The following HS3ST3A1 variants were observed in gnomAD, a reference collection of about 807,000 sequenced individuals.
HS3ST3A1 encodes heparan sulfate-glucosamine 3-sulfotransferase 3A1.
HS3ST3A1 carries 19 observed loss-of-function variants against 25.7 expected under a neutral mutation model. The observed-to-expected ratio is 0.74, with a 90% confidence interval of 0.52 to 1.08. The LOEUF is 1.08. HS3ST3A1 is among the 50% of genes least tolerant of loss of function. The probability of loss-of-function intolerance (pLI) is 0.00; values close to 1 mark genes in which losing one functional copy is unlikely to be tolerated. For missense variants in HS3ST3A1, 459 were observed against 594.3 expected, an observed-to-expected ratio of 0.77 and a Z score of 2.37; for synonymous variants, 226 against 278.6, an observed-to-expected ratio of 0.81 and a Z score of 1.88.
At chr17:13,598,012 G>A (rs1402209611) in intron 1 of HS3ST3A1, among the ~76,000 whole-genome samples, 3 of 152,206 alleles carry the variant, frequency 2.0e-5, no homozygotes, top group East Asian at 3.8e-4. Context: ...ATTCTCCCGT[G>A]TCAATGTACA....
intron 1 of HS3ST3A1, among the ~76,000 whole-genome samples, chr17:13,577,534 C>T (rs1907976331): frequency 6.6e-6 from 1 of 152,144 alleles, no homozygotes; most frequent in South Asian, 2.1e-4. Flanking sequence ...ACATTCATGA[C>T]AACAGTCATA....
At chr17:13,520,927 A>C (rs1378911099) in intron 1 of HS3ST3A1, among the ~76,000 whole-genome samples, 2 of 152,142 alleles carry the variant, frequency 1.3e-5, no homozygotes, top group African/African-American at 4.8e-5. Flanking sequence ...AACTGGAACA[A>C]TATCCTTGTT....
chr17:13,550,083 AT>A (rs1230106283), intron 1 of HS3ST3A1, among the ~76,000 whole-genome samples: 1 of 152,194 alleles, frequency 6.6e-6, no homozygotes, highest in Non-Finnish European at 1.5e-5. Context: ...AATTTGCTAA[AT>A]GTTGTATATG....
At chr17:13,557,181 G>A (rs183377986) in intron 1 of HS3ST3A1, among the ~76,000 whole-genome samples, 1 of 152,308 alleles carries the variant, frequency 6.6e-6, no homozygotes. Context: ...TTCCTTAATG[G>A]ATGCCCTGCG....
chr17:13,548,250 T>A (rs1273176372), intron 1 of HS3ST3A1, among the ~76,000 whole-genome samples: 2 of 152,150 alleles, frequency 1.3e-5, no homozygotes, highest in African/African-American at 2.4e-5. Context: ...AGATTCAGCA[T>A]CTAGTGAGGG....
intron 1 of HS3ST3A1, among the ~76,000 whole-genome samples, chr17:13,578,429 G>A (rs972830058): frequency 2.0e-5 from 3 of 151,398 alleles, no homozygotes; most frequent in Non-Finnish European, 2.9e-5. Flanking sequence ...TGGGCTTGGT[G>A]GTGGGCGCCT....
intron 1 of HS3ST3A1, among the ~76,000 whole-genome samples, chr17:13,539,045 A>G (rs1906850993): frequency 6.6e-6 from 1 of 152,198 alleles, no homozygotes. Context: ...GGCTAGAATG[A>G]TATCGAGGTG....
At chr17:13,557,029 C>T (rs1001912235) in intron 1 of HS3ST3A1, among the ~76,000 whole-genome samples, 2 of 152,112 alleles carry the variant, frequency 1.3e-5, no homozygotes, top group African/African-American at 4.8e-5. Context: ...AATTGTATAG[C>T]CACAGAGATG....
intron 1 of HS3ST3A1, among the ~76,000 whole-genome samples, chr17:13,576,809 C>T (rs1321687866): frequency 1.3e-5 from 2 of 152,140 alleles, no homozygotes; most frequent in Non-Finnish European, 2.9e-5. Flanking sequence ...ATTTTTTTAA[C>T]CAATAAACCG....
Position 13,600,938 on chromosome 17 carries a change from C to T in HS3ST3A1, c.192G>A (p.Gly64=), listed in dbSNP as rs756272045. 55 of 1,534,024 alleles carry T rather than the reference C, an allele frequency of 3.6e-5. No individual in the cohort carries two copies. In the East Asian group the frequency reaches 1.4e-3, roughly 40 times the overall value. ...CGGCCAGGACGCCGCCACCAGGGGC[C>T]CCCGCCTCCTCGCCGCCGCCGGACA... ...VGLSGGGEEA[G]APGGGVLAGG... Residue 64 remains glycine, a synonymous_variant, in exon 1 of 2, where the codon GGG becomes GGA. Coordinates refer to ENST00000284110, the MANE Select transcript of HS3ST3A1 (RefSeq NM_006042.3).
intron 1 of HS3ST3A1, among the ~76,000 whole-genome samples, chr17:13,589,430 T>C (rs986670221): frequency 2.0e-5 from 3 of 152,204 alleles, no homozygotes; most frequent in Admixed American, 1.3e-4. Flanking sequence ...CCAATCTGTT[T>C]TCTTTCCATC....
At chr17:13,579,217 G>A (rs573955098) in intron 1 of HS3ST3A1, among the ~76,000 whole-genome samples, 3 of 152,128 alleles carry the variant, frequency 2.0e-5, no homozygotes, top group East Asian at 1.9e-4. Context: ...TTTGGACGTC[G>A]ATTTGGCAGT....
At position 13,591,233 on chromosome 17, in the gene HS3ST3A1, G is replaced by A. The variant is rs1180267835; in HGVS notation, c.599+9298C>T. 2.0e-5 allele frequency among the ~76,000 whole-genome samples: 3 copies of A among 151,782 alleles called. No homozygotes were observed. The East Asian group carries it at 5.8e-4, about 29-fold the overall frequency. On this transcript the variant is annotated intron_variant, in intron 1 of 1. Coordinates refer to ENST00000284110, the MANE Select transcript of HS3ST3A1 (RefSeq NM_006042.3). Reference sequence around the variant, plus strand: ...GCTAATCTTTTGTATTTTGGGTAGAGACAGGGTTTTACCATGTTGCCCAGG... The same window carrying A: ...GCTAATCTTTTGTATTTTGGGTAGAAACAGGGTTTTACCATGTTGCCCAGG...
chr17:13,575,099 C>T (rs1294517837), intron 1 of HS3ST3A1, among the ~76,000 whole-genome samples: 1 of 149,694 alleles, frequency 6.7e-6, no homozygotes, highest in Non-Finnish European at 1.5e-5. Context: ...AGGAGGCTTT[C>T]CCCCATTTGC....
chr17:13,498,928 G>A (rs1259165614), intron 1 of HS3ST3A1, among the ~76,000 whole-genome samples: 5 of 147,556 alleles, frequency 3.4e-5, no homozygotes, highest in African/African-American at 5.0e-5. Flanking sequence ...CCCATACTCA[G>A]ATTTCCTCCT....
chr17:13,525,564 A>T (rs1049678319), intron 1 of HS3ST3A1, among the ~76,000 whole-genome samples: 1 of 152,190 alleles, frequency 6.6e-6, no homozygotes, highest in African/African-American at 2.4e-5. Flanking sequence ...ACCTTTTCAA[A>T]TTACAGACTG....
intron 1 of HS3ST3A1, among the ~76,000 whole-genome samples, chr17:13,563,570 C>A (rs1907602759): frequency 1.3e-5 from 2 of 152,310 alleles, no homozygotes; most frequent in South Asian, 4.1e-4. Context: ...AGAGAGGGAG[C>A]ATGTAAGTTG....
At chr17:13,579,720 AAAAAAAAAT>A (rs1319994130) in intron 1 of HS3ST3A1, among the ~76,000 whole-genome samples, 15 of 146,584 alleles carry the variant, frequency 1.0e-4, no homozygotes, top group Non-Finnish European at 2.1e-4. Flanking sequence ...AAAAAAAAAA[AAAAAAAAAT>A]CATAAGAAAT....
At chr17:13,507,914 C>G (rs892283562) in intron 1 of HS3ST3A1, among the ~76,000 whole-genome samples, 1 of 152,200 alleles carries the variant, frequency 6.6e-6, no homozygotes, top group Non-Finnish European at 1.5e-5. Context: ...TCCCTTGGGC[C>G]GAGCCCACTC....
Sources: gnomAD v4.1 joint callset for allele counts (sites outside exome capture counted in the v4.1 genomes callset) on GRCh38, gnomAD v4.1.1 for gene constraint, MANE v1.5 for transcripts, NCBI Gene and HGNC (gene_info 2026-07-23, HGNC 2026-07-21) for gene names.